Variants in TP73 observed in about 807,000 individuals in gnomAD.
TP73 encodes the protein tumor protein p73.
Under a neutral mutation model 62.5 loss-of-function variants are expected in TP73, and 25 were observed. The ratio of observed to expected loss-of-function variants is 0.40; its 90% confidence interval spans 0.29 to 0.56. The LOEUF is 0.56. Ranked by LOEUF, TP73 falls within the 20% of genes least tolerant of loss-of-function variation. The pLI, the probability that TP73 is intolerant of heterozygous loss-of-function variation, is 0.46. For synonymous variants in TP73, 423 were observed against 377.5 expected, an observed-to-expected ratio of 1.12 and a Z score of -1.40; for missense variants, 754 against 913.3, an observed-to-expected ratio of 0.83 and a Z score of 2.25.
Position 3,734,405 on chromosome 1 carries a change from G to A in TP73, c.*1326G>A, listed in dbSNP as rs1002239169. 3.3e-5 allele frequency: 5 copies of A among 152,162 alleles called. No individual in the cohort carries two copies. The highest frequency in any genetic ancestry group is 7.3e-5 in the Non-Finnish European group (5 of 68,030). The allele number at this position is 152,162 out of a possible 1,614,324, so 9.4% of individuals were successfully genotyped here. ...GGCAGGGAACCGGAGCCCCTGGGGG[G>A]CCTCACGGGTGTGACGAGGCCCTTC... On this transcript the variant is annotated 3_prime_UTR_variant, in exon 14 of 14. Coordinates refer to ENST00000378295, the MANE Select transcript of TP73 (RefSeq NM_005427.4). This position sits in a 1 kb window ranked among gnomAD's most constrained non-coding sequence, Gnocchi z 4.4.
Position 3,735,022 on chromosome 1 carries a change from G to A in TP73, c.*1943G>A, listed in dbSNP as rs929083726. 6 of 152,392 alleles carry A rather than the reference G, an allele frequency of 3.9e-5. No individual in the cohort carries two copies. Among genetic ancestry groups the A allele is most frequent in the African/African-American group, 9.6e-5 (4 of 41,460 alleles). The allele number at this position is 152,392 out of a possible 1,614,324, so 9.4% of individuals were successfully genotyped here. On this transcript the variant is annotated 3_prime_UTR_variant, in exon 14 of 14. Transcript: ENST00000378295. ...CAGTAGCGGCAGCAGCAGCAGACTC[G>A]GGGCTTTCCCAGGGTGGCGCAGCCA... is the stretch of plus-strand genomic sequence containing the variant.
intron 13 of TP73, among the ~76,000 whole-genome samples, chr1:3,732,338 G>A (rs1013020087): frequency 2.6e-5 from 4 of 152,218 alleles, no homozygotes; most frequent in Non-Finnish European, 2.9e-5. Flanking sequence ...AGTGACCCAC[G>A]CTGAGCCAGC....
intron 11 of TP73, 138 bp from the exon 12 acceptor site, chr1:3,730,789 G>A: frequency 1.7e-6 from 2 of 1,182,960 alleles, no homozygotes; most frequent in Admixed American, 2.7e-5. Flanking sequence ...CCTCTAGCTG[G>A]CAGGGGTGAT....
At chr1:3,654,895 C>T (rs781103812) in intron 1 of TP73, among the ~76,000 whole-genome samples, 1 of 152,180 alleles carries the variant, frequency 6.6e-6, no homozygotes, top group Admixed American at 6.5e-5. Flanking sequence ...ACACTGAGCA[C>T]GTGTGAAAGG....
intron 3 of TP73, among the ~76,000 whole-genome samples, chr1:3,686,252 G>A (rs889079877): frequency 9.8e-5 from 15 of 152,342 alleles, no homozygotes; most frequent in Middle Eastern, 3.4e-3. Flanking sequence ...TCTGGGGGAC[G>A]TGGGTCTCCC....
intron 3 of TP73, among the ~76,000 whole-genome samples, chr1:3,692,323 C>T (rs1178803931): frequency 1.3e-5 from 2 of 152,128 alleles, no homozygotes; most frequent in Non-Finnish European, 2.9e-5. Flanking sequence ...TGACCCAGCC[C>T]CACAGCCTGC....
Position 3,713,934 on chromosome 1 carries a change from G to A in TP73, c.429+6143G>A, listed in dbSNP as rs559676980. ...TAACAGCACTCCAGGCTTCAGTGAG[G>A]CAGAAGTCAGAGCCCATGGGGAAAC... On this transcript the variant is annotated intron_variant, in intron 4 of 13. Coordinates refer to ENST00000378295, the MANE Select transcript of TP73 (RefSeq NM_005427.4). Among the ~76,000 whole-genome samples the A allele has an allele frequency of 3.3e-5, 5 of 152,180 alleles. No homozygotes were observed. The South Asian group carries it at 6.2e-4, about 19-fold the overall frequency.
chr1:3,682,371 C>T lies in TP73; in HGVS notation c.6C>T (p.Ala2=), dbSNP rs1312789183. The part of the protein sequence containing the change: M[A]QSTATSPDGG... ...CGGAGGCCGGCGTGGGGAAGATGGC[C>T]CAGTCCACCGCCACCTCCCCTGATG... is the stretch of plus-strand genomic sequence containing the variant. The change falls in exon 2 of 14, where the codon GCC becomes GCT. Residue 2 remains alanine, a synonymous_variant. Coordinates refer to ENST00000378295, the MANE Select transcript of TP73 (RefSeq NM_005427.4). 13 of 1,550,860 alleles carry T rather than the reference C, an allele frequency of 8.4e-6. No homozygotes were observed. The highest frequency in any genetic ancestry group is 1.0e-5 in the Non-Finnish European group (12 of 1,144,122).
chr1:3,658,689 G>A (rs952212859), intron 1 of TP73, among the ~76,000 whole-genome samples: 5 of 152,254 alleles, frequency 3.3e-5, no homozygotes, highest in African/African-American at 9.6e-5. Flanking sequence ...GGGAGCTGAA[G>A]AGCTTTTTTT....
chr1:3,727,583 G>A, intron 7 of TP73, 45 bp from the exon 8 acceptor site: 1 of 1,571,334 alleles, frequency 6.4e-7, no homozygotes, highest in Non-Finnish European at 8.6e-7. Context: ...CAGGTTGAGG[G>A]TGGGCAGGGT....
At chr1:3,723,570 TCTGC>T (rs35939665) in intron 6 of TP73, 101 bp downstream of exon 6, 485,831 of 636,946 alleles carry the variant, frequency 0.76, 189,572 homozygotes, top group Middle Eastern at 0.83. Flanking sequence ...AGTTGGCTGA[TCTGC>T]CTGCCTGTCC....
At chr1:3,688,922 G>T (rs962978228) in intron 3 of TP73, among the ~76,000 whole-genome samples, 2 of 152,134 alleles carry the variant, frequency 1.3e-5, no homozygotes, top group African/African-American at 4.8e-5. Flanking sequence ...AAACCATCAG[G>T]CCGGCCCTGT....
chr1:3,729,912 C>T, intron 10 of TP73, 88 bp from the exon 11 acceptor site: 6 of 1,468,542 alleles, frequency 4.1e-6, no homozygotes, highest in South Asian at 1.4e-5. Context: ...TCCACCCATT[C>T]GCAGCATGGG....
At chr1:3,695,524 C>T (rs890506419) in intron 3 of TP73, among the ~76,000 whole-genome samples, 1 of 152,216 alleles carries the variant, frequency 6.6e-6, no homozygotes, top group African/African-American at 2.4e-5. Flanking sequence ...CGTGGCCACC[C>T]CTGTGCTGAG....
rs186458573 is a variant in TP73, at chr1:3,663,970, C to A, written c.-34+11329C>A. On this transcript the variant is annotated intron_variant, in intron 1 of 13. Coordinates refer to ENST00000378295, the MANE Select transcript of TP73 (RefSeq NM_005427.4). The surrounding 1 kb of genome is among the most constrained non-coding windows in gnomAD (Gnocchi z 4.7). The stretch of plus-strand genomic sequence containing the variant: ...TGAGCCCAATCAGTACCCTGGGGGT[C>A]GTGGCCGGCCCCCCTCCCTCCATGC... Among the ~76,000 whole-genome samples the A allele has an allele frequency of 6.6e-6, 1 of 152,152 alleles. No homozygotes were observed. The highest frequency in any genetic ancestry group is 2.4e-5 in the African/African-American group (1 of 41,434).
intron 3 of TP73, among the ~76,000 whole-genome samples, chr1:3,684,759 C>G (rs1645611673): frequency 6.6e-6 from 1 of 151,496 alleles, no homozygotes; most frequent in African/African-American, 2.4e-5. Flanking sequence ...CCCCTGCCCT[C>G]CCACCCCTGC....
At chr1:3,729,651 G>C in intron 10 of TP73, 1 of 926,140 alleles carries the variant, frequency 1.1e-6, no homozygotes, top group South Asian at 1.4e-5. Flanking sequence ...CCTGGGTCAT[G>C]GCCCTTGCTA....
At chr1:3,695,503 C>A (rs1053954224) in intron 3 of TP73, among the ~76,000 whole-genome samples, 1 of 152,222 alleles carries the variant, frequency 6.6e-6, no homozygotes, top group Non-Finnish European at 1.5e-5. Flanking sequence ...GGCATCCATG[C>A]GTTGCGGGAA....
chr1:3,668,560 A>G (rs1220399383), intron 1 of TP73: 1 of 145,084 alleles, frequency 6.9e-6, no homozygotes, highest in Non-Finnish European at 1.5e-5. Context: ...TGTTGGTAGG[A>G]CCAAAACGGT....
Sources: gnomAD v4.1 joint callset for allele counts (sites outside exome capture counted in the v4.1 genomes callset) on GRCh38, gnomAD v4.1.1 for gene constraint, Gnocchi (gnomAD v3.1) non-coding constraint, MANE v1.5 for transcripts, NCBI Gene and HGNC (gene_info 2026-07-23, HGNC 2026-07-21) for gene names.